The following DCDC1 variants were observed in gnomAD, a reference collection of about 807,000 sequenced individuals.
DCDC1 encodes doublecortin domain-containing protein 1.
A neutral mutation model predicts 178.3 loss-of-function variants in DCDC1; 200 were observed. That is an observed-to-expected ratio of 1.12 (90% confidence interval 1.00 to 1.26). The LOEUF (loss-of-function observed/expected upper bound fraction) is 1.26. Ranked by LOEUF, DCDC1 falls within the 50% of genes most tolerant of loss-of-function variation. The pLI, the probability that DCDC1 is intolerant of heterozygous loss-of-function variation, is 0.00. For missense variants in DCDC1, 1,983 were observed against 1,749.2 expected (o/e 1.13, Z -2.38); for synonymous variants, 690 against 604.8 (o/e 1.14, Z -2.07).
At position 31,295,619 on chromosome 11, in the gene DCDC1, T is replaced by C. The variant is rs540931747; in HGVS notation, c.755-4767A>G. On this transcript the variant is annotated intron_variant, in intron 6 of 38. Transcript: ENST00000684477. ...CTTGCCTCAAAGGGGAGCAATTCTCTGGTGTCTTTCACATTTCAGACTGGG... is the reference window on the plus strand; with the variant it reads ...CTTGCCTCAAAGGGGAGCAATTCTCCGGTGTCTTTCACATTTCAGACTGGG... Among the ~76,000 whole-genome samples, 6 of 152,330 alleles carry C rather than the reference T, an allele frequency of 3.9e-5. No individual in the cohort carries two copies. In the South Asian group the frequency reaches 1.0e-3, roughly 26 times the overall value.
intron 20 of DCDC1, among the ~76,000 whole-genome samples, chr11:31,039,972 T>C (rs933394252): frequency 3.9e-5 from 6 of 152,124 alleles, no homozygotes; most frequent in Admixed American, 6.5e-5. Flanking sequence ...CCCCAAAGCA[T>C]GAAGACTAAC....
chr11:31,096,733 T>C (rs759295434), intron 15 of DCDC1, among the ~76,000 whole-genome samples: 4 of 152,160 alleles, frequency 2.6e-5, no homozygotes, highest in Non-Finnish European at 4.4e-5. Context: ...TCTGGAGTTC[T>C]GATACGTTTA....
chr11:31,037,925 G>A lies in DCDC1; in HGVS notation c.2591+26544C>T, dbSNP rs886575055. Among the ~76,000 whole-genome samples the A allele has an allele frequency of 3.3e-5, 5 of 152,006 alleles. No individual in the cohort carries two copies. In the East Asian group the frequency reaches 9.7e-4, roughly 29 times the overall value. Reference sequence around the variant, plus strand: ...AACAGAGAGCAGAAGTAGAAATTTGGTTCAGTTAATGAATTTAAGTCTTAT... The same window carrying A: ...AACAGAGAGCAGAAGTAGAAATTTGATTCAGTTAATGAATTTAAGTCTTAT... On this transcript the variant is annotated intron_variant, in intron 20 of 38. Transcript: ENST00000684477.
intron 20 of DCDC1, among the ~76,000 whole-genome samples, chr11:30,971,247 A>C (rs1426889701): frequency 1.3e-5 from 2 of 152,222 alleles, no homozygotes; most frequent in Admixed American, 1.3e-4. Flanking sequence ...CACACACAAA[A>C]AAAAGAACAA....
intron 7 of DCDC1, among the ~76,000 whole-genome samples, chr11:31,267,963 A>C (rs1486449919): frequency 6.6e-6 from 1 of 152,200 alleles, no homozygotes; most frequent in Non-Finnish European, 1.5e-5. Flanking sequence ...ATTGACAAAA[A>C]TACTCAAGGG....
intron 7 of DCDC1, among the ~76,000 whole-genome samples, chr11:31,276,132 G>A (rs1220447880): frequency 6.6e-6 from 1 of 150,812 alleles, no homozygotes; most frequent in Non-Finnish European, 1.5e-5. Context: ...GTTATTTGCA[G>A]CTAATGTCAT....
At chr11:31,226,365 A>T (rs1565465331) in intron 9 of DCDC1, among the ~76,000 whole-genome samples, 1 of 152,104 alleles carries the variant, frequency 6.6e-6, no homozygotes, top group Non-Finnish European at 1.5e-5. Flanking sequence ...AGGAATAGAA[A>T]AAGTATTTTA....
intron 21 of DCDC1, among the ~76,000 whole-genome samples, chr11:30,940,400 C>A (rs559671794): frequency 6.4e-4 from 98 of 152,260 alleles, no homozygotes; most frequent in Admixed American, 3.5e-3. Context: ...CTCCCCAGTT[C>A]CTGTTTTTCC....
chr11:31,142,957 C>A (rs1361518621), intron 9 of DCDC1, among the ~76,000 whole-genome samples: 1 of 152,024 alleles, frequency 6.6e-6, no homozygotes. Context: ...ATCGCACTTT[C>A]CCTCATAATT....
At chr11:31,266,333 T>G (rs1945156222) in intron 7 of DCDC1, among the ~76,000 whole-genome samples, 1 of 152,142 alleles carries the variant, frequency 6.6e-6, no homozygotes, top group South Asian at 2.1e-4. Flanking sequence ...CAATTATCTT[T>G]CCAACTTCAA....
intron 8 of DCDC1, among the ~76,000 whole-genome samples, chr11:31,258,506 C>A (rs1944563241): frequency 6.6e-6 from 1 of 152,096 alleles, no homozygotes; most frequent in Admixed American, 6.6e-5. Context: ...AGGGAACTTT[C>A]TGAAAGGAAG....
chr11:31,146,438 C>T (rs1964465506), intron 9 of DCDC1, among the ~76,000 whole-genome samples: 1 of 152,144 alleles, frequency 6.6e-6, no homozygotes, highest in Non-Finnish European at 1.5e-5. Context: ...AAAGCCTCTC[C>T]TTTTCCCCGT....
intron 1 of DCDC1, among the ~76,000 whole-genome samples, chr11:31,338,165 C>T (rs1950364973): frequency 1.3e-5 from 2 of 152,166 alleles, no homozygotes; most frequent in African/African-American, 4.8e-5. Flanking sequence ...GAGAAAGGAA[C>T]TTTTACAATT....
At chr11:31,277,554 G>T (rs959606202) in intron 7 of DCDC1, among the ~76,000 whole-genome samples, 1 of 152,006 alleles carries the variant, frequency 6.6e-6, no homozygotes, top group African/African-American at 2.4e-5. Context: ...TATAAGATTT[G>T]CTATTTCTCC....
intron 15 of DCDC1, among the ~76,000 whole-genome samples, chr11:31,096,677 C>T (rs1438001108): frequency 6.6e-6 from 1 of 151,726 alleles, no homozygotes; most frequent in East Asian, 1.9e-4. Flanking sequence ...GGCCCACTAA[C>T]CCAGCTTTAT....
chr11:31,190,550 C>T (rs1970017428), intron 9 of DCDC1, among the ~76,000 whole-genome samples: 1 of 152,036 alleles, frequency 6.6e-6, no homozygotes, highest in Non-Finnish European at 1.5e-5. Flanking sequence ...TAATGAATGA[C>T]ACTGAACATC....
At chr11:30,898,825 A>T (rs1944435205) in intron 34 of DCDC1, among the ~76,000 whole-genome samples, 1 of 152,218 alleles carries the variant, frequency 6.6e-6, no homozygotes, top group African/African-American at 2.4e-5. Context: ...ACAAGACAGC[A>T]TCAGGAGTTG....
chr11:31,249,359 T>C (rs1476974085), intron 8 of DCDC1, among the ~76,000 whole-genome samples: 2 of 152,134 alleles, frequency 1.3e-5, no homozygotes, highest in Non-Finnish European at 2.9e-5. Flanking sequence ...TAATGGGAGA[T>C]CTCCAACTGC....
At chr11:31,179,937 C>A (rs951089721) in intron 9 of DCDC1, among the ~76,000 whole-genome samples, 12 of 152,138 alleles carry the variant, frequency 7.9e-5, no homozygotes, top group Admixed American at 5.9e-4. Flanking sequence ...AGATAACACA[C>A]CATAATCAGG....
Sources: gnomAD v4.1 joint callset for allele counts (sites outside exome capture counted in the v4.1 genomes callset) on GRCh38, gnomAD v4.1.1 for gene constraint, MANE v1.5 for transcripts, NCBI Gene and HGNC (gene_info 2026-07-23, HGNC 2026-07-21) for gene names.